The following MYRFL variants were observed in gnomAD, a reference collection of about 807,000 sequenced individuals.
MYRFL encodes myelin regulatory factor-like protein.
In MYRFL, 88 loss-of-function variants were observed where a neutral mutation model predicts 109.4. The ratio of observed to expected loss-of-function variants is 0.80; its 90% CI spans 0.68 to 0.96. The LOEUF is 0.96. MYRFL is among the 40% of genes least tolerant of loss of function. The pLI is 0.00. For synonymous variants in MYRFL, 324 were observed against 320.9 expected (o/e 1.01, Z -0.10); for missense variants, 957 against 954.9 (o/e 1.00, Z -0.03).
intron 2 of MYRFL, among the ~76,000 whole-genome samples, chr12:69,861,621 T>C (rs909094471): frequency 6.6e-6 from 1 of 152,208 alleles, no homozygotes; most frequent in Non-Finnish European, 1.5e-5. Context: ...TAAATTTGTT[T>C]GAGTTCATTG....
chr12:69,899,488 G>C (rs944831148), intron 10 of MYRFL, among the ~76,000 whole-genome samples: 41 of 152,172 alleles, frequency 2.7e-4, no homozygotes, highest in African/African-American at 9.4e-4. Context: ...CCATGGCCTG[G>C]TTCTGTTAGT....
At chr12:69,850,521 T>C (rs555234983) in intron 1 of MYRFL, among the ~76,000 whole-genome samples, 2 of 152,242 alleles carry the variant, frequency 1.3e-5, no homozygotes, top group East Asian at 3.9e-4. Context: ...GGAAAGGGGA[T>C]TTAGAAAATG....
At chr12:69,913,050 T>TAATGATTAGTG (rs1282676329) in intron 13 of MYRFL, among the ~76,000 whole-genome samples, 2 of 152,320 alleles carry the variant, frequency 1.3e-5, no homozygotes, top group South Asian at 4.1e-4. Flanking sequence ...TACATTTCCT[T>TAATGATTAGTG]AATGATTAGT....
At position 69,936,480 on chromosome 12, in the gene MYRFL, C is replaced by T. The variant is rs61754226; in HGVS notation, c.2072C>T (p.Pro691Leu). 10,603 of 1,535,848 alleles carry T rather than the reference C, an allele frequency of 6.9e-3. 48 individuals carry two copies. Among genetic ancestry groups the T allele is most frequent in the Non-Finnish European group, 8.5e-3 (9,705 of 1,146,758 alleles). ...SAPNTSLVTT[P>L]ASLQVPEITF... ...CCTAATACATCCCTGGTAACCACACCGGCCTCCTTACAAGTACCTGAAATT... is the reference window on the plus strand; with the variant it reads ...CCTAATACATCCCTGGTAACCACACTGGCCTCCTTACAAGTACCTGAAATT... The change falls in exon 19 of 25, where the codon CCG (proline) becomes CTG (leucine). Residue 691 changes from proline (P) to leucine (L), a missense_variant. Coordinates refer to ENST00000552032, the MANE Select transcript of MYRFL (RefSeq NM_182530.3).
intron 1 of MYRFL, among the ~76,000 whole-genome samples, chr12:69,850,594 C>A (rs887945240): frequency 1.3e-5 from 2 of 152,104 alleles, no homozygotes; most frequent in African/African-American, 4.8e-5. Context: ...AAGACGAATT[C>A]TGAGATATGA....
chr12:69,859,234 T>A (rs1565976093), intron 2 of MYRFL, among the ~76,000 whole-genome samples: 4 of 152,104 alleles, frequency 2.6e-5, no homozygotes, highest in Admixed American at 6.6e-5. Context: ...GATTTCAAAT[T>A]TTGTTAAGGT....
chr12:69,890,554 C>A (rs1034258032), intron 6 of MYRFL, among the ~76,000 whole-genome samples: 2 of 152,042 alleles, frequency 1.3e-5, no homozygotes, highest in Non-Finnish European at 2.9e-5. Flanking sequence ...GCCAACATGG[C>A]GAAACCCTGT....
intron 22 of MYRFL, among the ~76,000 whole-genome samples, chr12:69,957,162 C>T (rs1166463252): frequency 6.6e-6 from 1 of 152,158 alleles, no homozygotes; most frequent in Non-Finnish European, 1.5e-5. Context: ...GAAGAAGAAC[C>T]GTACTTTCTG....
At chr12:69,886,782 C>T (rs1197235889) in intron 5 of MYRFL, 38 bp from the exon 6 acceptor site, 11 of 1,533,052 alleles carry the variant, frequency 7.2e-6, no homozygotes, top group Non-Finnish European at 7.0e-6. Context: ...GGAAAAACAG[C>T]CTGGAAGGAA....
intron 2 of MYRFL, among the ~76,000 whole-genome samples, chr12:69,872,820 CAG>C (rs983910177): frequency 3.3e-5 from 5 of 151,846 alleles, no homozygotes; most frequent in Non-Finnish European, 7.4e-5. Flanking sequence ...TTTTTAGAGA[CAG>C]GGTCTCACTA....
intron 13 of MYRFL, among the ~76,000 whole-genome samples, chr12:69,916,482 T>A (rs1566022982): frequency 6.6e-6 from 1 of 152,172 alleles, no homozygotes; most frequent in African/African-American, 2.4e-5. Flanking sequence ...TCAGTACTAT[T>A]TTTCTTCCTT....
intron 19 of MYRFL, among the ~76,000 whole-genome samples, chr12:69,951,375 T>C (rs577219139): frequency 5.9e-5 from 9 of 151,800 alleles, no homozygotes; most frequent in Non-Finnish European, 1.2e-4. Context: ...AGATGGTCTT[T>C]CCTCTGTGCA....
intron 20 of MYRFL, among the ~76,000 whole-genome samples, chr12:69,952,384 T>A (rs1440312790): frequency 1.3e-5 from 2 of 152,228 alleles, no homozygotes; most frequent in Non-Finnish European, 2.9e-5. Flanking sequence ...CAAGTTGTGG[T>A]TGATCTCCAT....
intron 13 of MYRFL, among the ~76,000 whole-genome samples, chr12:69,922,251 G>A (rs1352476316): frequency 6.6e-6 from 1 of 152,022 alleles, no homozygotes; most frequent in African/African-American, 2.4e-5. Flanking sequence ...GCTCTCTACA[G>A]GGTAAACATA....
At chr12:69,868,882 GC>G (rs1322059509) in intron 2 of MYRFL, among the ~76,000 whole-genome samples, 1 of 151,678 alleles carries the variant, frequency 6.6e-6, no homozygotes, top group Non-Finnish European at 1.5e-5. Context: ...GCACACACAT[GC>G]ACTCACACAC....
Position 69,936,645 on chromosome 12 carries a change from C to G in MYRFL, c.2224+13C>G. 2 of 1,490,030 alleles carry G rather than the reference C, an allele frequency of 1.3e-6. No individual in the cohort carries two copies. The highest frequency in any genetic ancestry group is 1.8e-6 in the Non-Finnish European group (2 of 1,121,788). The allele number at this position is 1,490,030 out of a possible 1,614,324, so 92.3% of individuals were successfully genotyped here. ...AGGCGATGGTCAGGTAAATGATGTT[C>G]AAAGAGAAACAACTAGAGCTTTGAA... is the stretch of plus-strand genomic sequence containing the variant. On this transcript the variant is annotated intron_variant, in intron 19 of 24. Transcript: ENST00000552032.
At position 69,864,074 on chromosome 12, in the gene MYRFL, A is replaced by C. The variant is rs544694309; in HGVS notation, c.137+8704A>C. On this transcript the variant is annotated intron_variant, in intron 2 of 24. Coordinates refer to ENST00000552032, the MANE Select transcript of MYRFL (RefSeq NM_182530.3). Reference sequence around the variant, plus strand: ...CATCATTTTTCTCCATCTGCAAGATATTTTCTTTATCTTTGGTATTCAGCA... The same window carrying C: ...CATCATTTTTCTCCATCTGCAAGATCTTTTCTTTATCTTTGGTATTCAGCA... Among the ~76,000 whole-genome samples, 27 of 152,148 alleles carry C rather than the reference A, an allele frequency of 1.8e-4. No individual in the cohort carries two copies. In the South Asian group the frequency reaches 5.6e-3, roughly 32 times the overall value.
intron 1 of MYRFL, 70 bp from the exon 2 acceptor site, chr12:69,855,210 G>T: frequency 3.0e-6 from 2 of 661,584 alleles, no homozygotes; most frequent in Non-Finnish European, 2.7e-6. Context: ...TTAAAGATTT[G>T]TCAGTGTTTT....
Position 69,897,187 on chromosome 12 carries a change from G to C in MYRFL, c.1123G>C (p.Ala375Pro). Residue 375 changes from alanine to proline, a missense_variant, in exon 10 of 25, where the codon GCT (alanine) becomes CCT (proline). Transcript: ENST00000552032. ...YFMLVVGLYA[A>P]NQDQFYLLSA... ...CATGTTGGTGGTTGGACTGTATGCT[G>C]CTAACCAAGACCAGTTCTATCTGTT... The C allele has an allele frequency of 6.5e-7, 1 of 1,535,808 alleles. No individual in the cohort carries two copies. Among genetic ancestry groups the C allele is most frequent in the South Asian group, 1.2e-5 (1 of 84,050 alleles).
Sources: gnomAD v4.1 joint callset for allele counts (sites outside exome capture counted in the v4.1 genomes callset) on GRCh38, gnomAD v4.1.1 for gene constraint, MANE v1.5 for transcripts, NCBI Gene and HGNC (gene_info 2026-07-23, HGNC 2026-07-21) for gene names.